Variants in TUB observed in about 807,000 individuals in gnomAD.
TUB encodes the protein tubby protein homolog.
TUB carries 33 observed loss-of-function variants against 59.7 expected under a neutral mutation model. That is an observed-to-expected ratio of 0.55 (90% CI 0.42 to 0.74). The LOEUF (loss-of-function observed/expected upper bound fraction) is 0.74. Ranked by LOEUF, TUB falls within the 30% of genes least tolerant of loss-of-function variation. TUB has a pLI of 0.00. For synonymous variants in TUB, 293 were observed against 256.4 expected (o/e 1.14, Z -1.36); for missense variants, 659 against 672.0 (o/e 0.98, Z 0.21).
chr11:8,076,901 A>T (rs142693171), upstream of TUB: 183 of 152,078 alleles, frequency 1.2e-3, no homozygotes, highest in African/African-American at 4.2e-3. Flanking sequence ...GTTGACCTAC[A>T]TTTTTTTTCA....
exon 1 of TUB, chr11:8,019,298 C>T: frequency 2.4e-6 from 3 of 1,270,838 alleles, no homozygotes; most frequent in South Asian, 3.0e-5. Context: ...GAGCCGGAGG[C>T]GGCGATGGAG....
chr11:8,062,511 G>A (rs1943149630), intron 2 of TUB, among the ~76,000 whole-genome samples: 1 of 11,490 alleles, frequency 8.7e-5, no homozygotes, highest in Non-Finnish European at 2.0e-4. Flanking sequence ...CTGAAGGTTT[G>A]TGTGCGTGTG....
rs1304809654 is a variant in TUB, at chr11:8,101,955, G to A, written c.*336G>A. ...TCTTCAGCTGGGAAGGCCGCAAGAG[G>A]CATAGAGGGAGAGGAAGCACACTGC... On this transcript the variant is annotated 3_prime_UTR_variant, in exon 12 of 12. Coordinates refer to ENST00000299506, the MANE Select transcript of TUB (RefSeq NM_177972.3). 3 of 313,042 alleles carry A rather than the reference G, an allele frequency of 9.6e-6. No individual in the cohort carries two copies. The highest frequency in any genetic ancestry group is 1.8e-5 in the Non-Finnish European group (3 of 166,022). The allele number at this position is 313,042 out of a possible 1,614,324, so 19.4% of individuals were successfully genotyped here.
chr11:8,035,366 A>G (rs55635402), upstream of TUB: 30,777 of 152,186 alleles, frequency 0.2, 3,441 homozygotes, highest in African/African-American at 0.28. Flanking sequence ...TTTTTTGGCA[A>G]ATCTTTAAAT....
At chr11:8,020,143 C>T (rs10839964) in intron 1 of TUB, among the ~76,000 whole-genome samples, 79,089 of 152,200 alleles carry the variant, frequency 0.52, 22,768 homozygotes, top group Middle Eastern at 0.68. Flanking sequence ...AAATGCCACC[C>T]TTGTATTTAA....
rs193221578 is a variant in TUB, at chr11:8,091,196, T to G, written c.253+965T>G. ...GGCCCATACCCTGCCTCGCAGTATT[T>G]TAGGTTCTTCTCTGGGTTCCACTGA... On this transcript the variant is annotated intron_variant, in intron 3 of 11. Coordinates refer to ENST00000299506, the MANE Select transcript of TUB (RefSeq NM_177972.3). 1.5e-3 allele frequency among the ~76,000 whole-genome samples: 222 copies of G among 152,268 alleles called. 1 individual carries two copies. The highest frequency in any genetic ancestry group is 5.1e-3 in the African/African-American group (210 of 41,554).
At chr11:8,030,441 G>A (rs1285168810) in intron 1 of TUB, among the ~76,000 whole-genome samples, 1 of 152,156 alleles carries the variant, frequency 6.6e-6, no homozygotes, top group African/African-American at 2.4e-5. Flanking sequence ...TCTATCCTAA[G>A]CCATGTAGTT....
In TUB at chr11:8,032,101, T is replaced by C. The variant is rs539856445; in HGVS notation, c.56+12743T>C. 4.6e-5 allele frequency among the ~76,000 whole-genome samples: 7 copies of C among 151,740 alleles called. No homozygotes were observed. In the East Asian group the frequency reaches 1.2e-3, roughly 25 times the overall value. ...CAGAGCCTCCCACTGCAGGTGAGTG[T>C]CCCGCCTGGGGAAAGGCCGGGAGCG... On this transcript the variant is annotated intron_variant, in intron 1 of 11. Coordinates refer to the TUB transcript ENST00000534099.
exon 1 of TUB, chr11:8,039,025 A>T: frequency 6.2e-7 from 1 of 1,612,378 alleles, no homozygotes; most frequent in Admixed American, 1.7e-5. Context: ...CACCGAAGAG[A>T]TCGGTAAGCT....
Position 8,101,458 on chromosome 11 carries a change from CTCTG to C in TUB, c.1388-22_1388-19del, listed in dbSNP as rs66906803. 326,838 of 1,613,630 alleles carry C rather than the reference CTCTG, an allele frequency of 0.2. 34,293 individuals carry two copies. The highest frequency in any genetic ancestry group is 0.3 in the East Asian group (13,653 of 44,834). On this transcript the variant is annotated intron_variant, in intron 11 of 11. Coordinates refer to ENST00000299506, the MANE Select transcript of TUB (RefSeq NM_177972.3). Reference sequence around the variant, plus strand: ...TCTACCATTCCTGTCCTGTCCTTTTCTCTGTCTGTGCCTGTGCTTGGCCCCAGCG... The same window carrying C: ...TCTACCATTCCTGTCCTGTCCTTTTCTCTGTGCCTGTGCTTGGCCCCAGCG...
At chr11:8,046,966 T>C (rs1223900684) in intron 2 of TUB, among the ~76,000 whole-genome samples, 1 of 152,156 alleles carries the variant, frequency 6.6e-6, no homozygotes, top group Non-Finnish European at 1.5e-5. Flanking sequence ...AGTTTACAAA[T>C]TTATGTTGGG....
chr11:8,039,676 G>C lies in TUB; in HGVS notation c.187G>C (p.Gly63Arg), dbSNP rs145295329. The change falls in exon 2 of 13, where the codon GGA becomes CGA. Residue 63 changes from glycine (G) to arginine (R), a missense_variant. Transcript: ENST00000305253. ...AACCAGGAGGAAGTACTGGAAGGAA[G>C]GAAGGGAGATCGCTCGGTGAGCTGG... is the stretch of plus-strand genomic sequence containing the variant. 3.2e-6 allele frequency: 5 copies of C among 1,541,974 alleles called. No individual in the cohort carries two copies. In the African/African-American group the frequency reaches 6.9e-5, roughly 21 times the overall value.
At chr11:8,023,875 T>C (rs946406093) in intron 1 of TUB, among the ~76,000 whole-genome samples, 3 of 152,222 alleles carry the variant, frequency 2.0e-5, no homozygotes, top group African/African-American at 4.8e-5. Flanking sequence ...CAAGCTTCAG[T>C]CGTTATCCTC....
rs1023313376 is a variant in TUB at position 8,105,246 on chromosome 11, G to C, written c.*3627G>C. ...CTGTGTTAACTCAGGATGCCAAGTGGCCCTCAGATTACACTTCTCCAGATA... is the reference window on the plus strand; with the variant it reads ...CTGTGTTAACTCAGGATGCCAAGTGCCCCTCAGATTACACTTCTCCAGATA... On this transcript the variant is annotated 3_prime_UTR_variant, in exon 12 of 12. Transcript: ENST00000299506. 6.6e-6 allele frequency: 1 copy of C among 152,124 alleles called. No individual in the cohort carries two copies. The highest frequency in any genetic ancestry group is 1.5e-5 in the Non-Finnish European group (1 of 68,046). 9.4% of individuals were successfully genotyped at this position (152,124 alleles called of 1,614,324 possible).
At chr11:8,053,704 T>C (rs913528591) in intron 2 of TUB, among the ~76,000 whole-genome samples, 3 of 149,696 alleles carry the variant, frequency 2.0e-5, no homozygotes, top group African/African-American at 7.3e-5. Flanking sequence ...GGTTTCACCG[T>C]GTTAGCCAGG....
intron 10 of TUB, 65 bp from the exon 11 acceptor site, chr11:8,100,761 T>C (rs927777963): frequency 3.8e-6 from 6 of 1,595,054 alleles, no homozygotes; most frequent in Admixed American, 1.7e-5. Context: ...CCGGGATAGA[T>C]CCCTTTCTGG....
At chr11:8,079,626 C>T (rs4758040), upstream of TUB, among the ~76,000 whole-genome samples, 66,514 of 151,948 alleles carry the variant, frequency 0.44, 16,544 homozygotes, top group Middle Eastern at 0.59. Flanking sequence ...TCCTGAGCTC[C>T]AGAAGCCTGG....
At chr11:8,071,832 G>A (rs2133797031) in intron 2 of TUB, among the ~76,000 whole-genome samples, 1 of 152,348 alleles carries the variant, frequency 6.6e-6, no homozygotes, top group South Asian at 2.1e-4. Flanking sequence ...CTCCCACTGG[G>A]GAAGAGAGAC....
intron 1 of TUB, among the ~76,000 whole-genome samples, chr11:8,026,503 A>G (rs1029557103): frequency 3.3e-5 from 5 of 150,330 alleles, no homozygotes; most frequent in African/African-American, 1.2e-4. Context: ...TAATTGTTCC[A>G]GCAGCATTCA....
Sources: gnomAD v4.1 joint callset for allele counts (sites outside exome capture counted in the v4.1 genomes callset) on GRCh38, gnomAD v4.1.1 for gene constraint, MANE v1.5 for transcripts, NCBI Gene and HGNC (gene_info 2026-07-23, HGNC 2026-07-21) for gene names.